APP: variants seen among roughly 807,000 people sequenced by gnomAD.
APP encodes the protein amyloid beta precursor protein.
A neutral mutation model predicts 101.4 loss-of-function variants in APP; 31 were observed. The observed-to-expected ratio is 0.31, with a 90% confidence interval of 0.23 to 0.41. APP has a LOEUF of 0.41. Among genes scored for constraint, APP ranks in the 10% least tolerant of loss-of-function variants. APP has a pLI of 1.00. For missense variants in APP, 839 were observed against 1,003.7 expected (o/e 0.84, Z 2.22); for synonymous variants, 366 against 364.4 (o/e 1.00, Z -0.05).
At chr21:25,940,867 A>G (rs2040548324) in intron 13 of APP, among the ~76,000 whole-genome samples, 1 of 152,162 alleles carries the variant, frequency 6.6e-6, no homozygotes. Context: ...CCCCATCCCT[A>G]GCTTTGCTGA....
upstream of APP, chr21:26,170,884 C>T (rs1208983989): frequency 6.1e-5 from 23 of 379,962 alleles, no homozygotes; most frequent in South Asian, 6.3e-4. Flanking sequence ...TGCGCCCGCT[C>T]GCGCCGGGAG....
Position 25,897,561 on chromosome 21 carries a change from T to G in APP, c.2064+12A>C. ...CAAACAGTAGTGGAAAGAGGTAAAT[T>G]ATTTTACGTACCAATTTTTGATGAT... On this transcript the variant is annotated intron_variant, in intron 16 of 17. Transcript: ENST00000346798. 1 of 1,598,870 alleles carries G rather than the reference T, an allele frequency of 6.3e-7. No homozygotes were observed. The highest frequency in any genetic ancestry group is 8.6e-7 in the Non-Finnish European group (1 of 1,166,210).
chr21:25,997,472 T>C lies in APP; in HGVS notation c.1034-56A>G. The C allele has an allele frequency of 2.7e-6, 4 of 1,456,584 alleles. No homozygotes were observed. The South Asian group carries it at 4.6e-5, about 17-fold the overall frequency. The allele number at this position is 1,456,584 out of a possible 1,614,324, so 90.2% of individuals were successfully genotyped here. A position where few individuals can be genotyped will look rare whatever the true frequency, so the allele number is the denominator to read the frequency against. ...AACAAAAAGAGAAACATGGGAATGA[T>C]GGCTGAAATGCACGAGTCCACTGAC... On this transcript the variant is annotated intron_variant, in intron 7 of 17. Transcript: ENST00000346798.
chr21:25,916,787 C>T (rs1198736310), intron 13 of APP, among the ~76,000 whole-genome samples: 1 of 152,074 alleles, frequency 6.6e-6, no homozygotes, highest in Non-Finnish European at 1.5e-5. Flanking sequence ...AAAATTGTAG[C>T]GTTTATCTTT....
In APP at chr21:26,144,063, C is replaced by T. The variant is rs767325203; in HGVS notation, c.57+26501G>A. Among the ~76,000 whole-genome samples, 33 of 152,170 alleles carry T rather than the reference C, an allele frequency of 2.2e-4. 1 individual carries two copies. The highest frequency in any genetic ancestry group is 1.8e-3 in the Admixed American group (28 of 15,282). ...ATTAGGGTAGACGGGGAGGCAAACA[C>T]GTCCTTCTTCACATGGTGGCAGGAA... On this transcript the variant is annotated intron_variant, in intron 1 of 17. Coordinates refer to ENST00000346798, the MANE Select transcript of APP (RefSeq NM_000484.4).
chr21:25,891,073 G>A (rs1056968240), intron 17 of APP, among the ~76,000 whole-genome samples: 12 of 152,080 alleles, frequency 7.9e-5, no homozygotes, highest in African/African-American at 1.4e-4. Context: ...TAACTTATTC[G>A]TAAATTTTCT....
chr21:26,083,989 A>G (rs2061649351), intron 3 of APP, among the ~76,000 whole-genome samples: 2 of 152,172 alleles, frequency 1.3e-5, no homozygotes, highest in African/African-American at 4.8e-5. Flanking sequence ...AATACCAGGT[A>G]CAATAATTAA....
intron 1 of APP, among the ~76,000 whole-genome samples, chr21:26,116,345 A>G (rs1196660954): frequency 1.3e-5 from 2 of 152,208 alleles, no homozygotes; most frequent in Non-Finnish European, 2.9e-5. Context: ...TTCCAAAGCA[A>G]TTTTTAGAAA....
chr21:25,929,549 G>A (rs946387183), intron 13 of APP, among the ~76,000 whole-genome samples: 1 of 152,098 alleles, frequency 6.6e-6, no homozygotes, highest in Non-Finnish European at 1.5e-5. Context: ...GGACACAGAG[G>A]AATCATGAGG....
chr21:26,153,803 A>G (rs1338661212), intron 1 of APP, among the ~76,000 whole-genome samples: 1 of 152,242 alleles, frequency 6.6e-6, no homozygotes, highest in African/African-American at 2.4e-5. Flanking sequence ...TCAAACAGGA[A>G]AACTTTAAGT....
chr21:26,112,220 A>G, intron 1 of APP, 74 bp from the exon 2 acceptor site: 1 of 1,492,968 alleles, frequency 6.7e-7, no homozygotes, highest in Non-Finnish European at 9.3e-7. Flanking sequence ...AACAGGGATA[A>G]CTATCAAAAA....
At chr21:25,918,450 C>T (rs1239391584) in intron 13 of APP, among the ~76,000 whole-genome samples, 10 of 152,232 alleles carry the variant, frequency 6.6e-5, no homozygotes, top group South Asian at 2.1e-4. Flanking sequence ...GGGTGATTTC[C>T]GCATTTCCAT....
chr21:25,898,730 A>G (rs1287141305), intron 15 of APP, among the ~76,000 whole-genome samples: 1 of 152,128 alleles, frequency 6.6e-6, no homozygotes, highest in Non-Finnish European at 1.5e-5. Context: ...CCTCCCTTCC[A>G]CATTAAAACC....
At chr21:26,015,949 TAGAAAACA>T (rs1372525767) in intron 6 of APP, among the ~76,000 whole-genome samples, 3 of 152,304 alleles carry the variant, frequency 2.0e-5, no homozygotes, top group African/African-American at 7.2e-5. Context: ...AACTTTTGTG[TAGAAAACA>T]GGAAAACAGG....
intron 1 of APP, among the ~76,000 whole-genome samples, chr21:26,131,771 A>T (rs567422196): frequency 1.6e-4 from 24 of 152,256 alleles, no homozygotes; most frequent in Non-Finnish European, 3.1e-4. Context: ...CTATTGCACA[A>T]TATGACTGAA....
At chr21:26,141,443 A>T (rs927175641) in intron 1 of APP, among the ~76,000 whole-genome samples, 2 of 152,216 alleles carry the variant, frequency 1.3e-5, no homozygotes, top group African/African-American at 4.8e-5. Flanking sequence ...TTAACTGCCC[A>T]ATTTTGAAAA....
chr21:25,966,585 G>C (rs999856713), intron 11 of APP, among the ~76,000 whole-genome samples: 2 of 152,092 alleles, frequency 1.3e-5, no homozygotes, highest in African/African-American at 4.8e-5. Context: ...CAAGAACTCA[G>C]CAAATAATTT....
At chr21:25,983,295 G>T (rs1255758702) in intron 8 of APP, among the ~76,000 whole-genome samples, 3 of 152,040 alleles carry the variant, frequency 2.0e-5, no homozygotes, top group African/African-American at 4.8e-5. Context: ...AAAGAAAAAA[G>T]AATTTTGACT....
intron 1 of APP, among the ~76,000 whole-genome samples, chr21:26,167,595 T>G (rs148914410): frequency 2.1e-4 from 32 of 152,264 alleles, no homozygotes; most frequent in African/African-American, 7.5e-4. Flanking sequence ...AACAGTAACA[T>G]AAAATAGAGA....
Sources: allele counts gnomAD v4.1 joint callset (sites outside exome capture counted in the v4.1 genomes callset), GRCh38; gene constraint gnomAD v4.1.1; transcripts MANE v1.5; gene names NCBI Gene and HGNC (gene_info 2026-07-23, HGNC 2026-07-21).